NALF1: variants seen among roughly 807,000 people sequenced by gnomAD.
NALF1 encodes family with sequence similarity 155 member A.
Under a neutral mutation model 48.4 loss-of-function variants are expected in NALF1, and 3 were observed. The observed-to-expected ratio is 0.06, with a 90% CI of 0.03 to 0.16. NALF1 has a LOEUF of 0.16. Among genes scored for constraint, NALF1 ranks in the 10% least tolerant of loss-of-function variants. The probability of loss-of-function intolerance (pLI) is 1.00; values close to 1 mark genes in which losing one functional copy is unlikely to be tolerated. For missense variants in NALF1, 526 were observed against 571.5 expected (o/e 0.92, Z 0.81); for synonymous variants, 262 against 245.7 (o/e 1.07, Z -0.62).
chr13:107,628,442 C>T (rs1290176395), intron 1 of NALF1, among the ~76,000 whole-genome samples: 3 of 152,052 alleles, frequency 2.0e-5, no homozygotes, highest in Admixed American at 1.3e-4. Flanking sequence ...CCAAGTGATA[C>T]GCTAATGGAT....
intron 1 of NALF1, among the ~76,000 whole-genome samples, chr13:107,720,510 CAAAAAAAA>C (rs56380251): frequency 1.7e-5 from 1 of 59,856 alleles, no homozygotes; most frequent in Non-Finnish European, 2.7e-5. Context: ...GACTGCATCT[CAAAAAAAA>C]AAAAAAAAAA....
intron 1 of NALF1, among the ~76,000 whole-genome samples, chr13:107,832,091 A>G (rs1879750728): frequency 6.6e-6 from 1 of 152,170 alleles, no homozygotes; most frequent in South Asian, 2.1e-4. Context: ...TATATCTGGT[A>G]CTGAAACCAA....
intron 1 of NALF1, among the ~76,000 whole-genome samples, chr13:107,577,768 AAGC>A (rs1302296346): frequency 6.6e-6 from 1 of 152,044 alleles, no homozygotes; most frequent in East Asian, 1.9e-4. Context: ...CCAAGCCCAT[AAGC>A]TTCTTAAATG....
chr13:107,662,656 T>A (rs981951155), intron 1 of NALF1, among the ~76,000 whole-genome samples: 14 of 152,178 alleles, frequency 9.2e-5, no homozygotes, highest in Admixed American at 4.6e-4. Flanking sequence ...TGTCACATAA[T>A]TCACCTATTA....
intron 1 of NALF1, among the ~76,000 whole-genome samples, chr13:107,325,887 T>TATATATATATATATATATACAC (rs752320518): frequency 1.7e-5 from 1 of 58,906 alleles, no homozygotes; most frequent in Non-Finnish European, 3.5e-5. Flanking sequence ...TATATATATA[T>TATATATATATATATATATACAC]ACACACACAC....
At chr13:107,596,219 G>A (rs1878742351) in intron 1 of NALF1, among the ~76,000 whole-genome samples, 5 of 152,156 alleles carry the variant, frequency 3.3e-5, no homozygotes, top group Admixed American at 3.3e-4. Context: ...CTCCTCATAA[G>A]AAAAGGGAAT....
intron 1 of NALF1, among the ~76,000 whole-genome samples, chr13:107,843,728 T>G (rs1880100939): frequency 6.6e-6 from 1 of 152,070 alleles, no homozygotes; most frequent in Non-Finnish European, 1.5e-5. Context: ...TTCCCTGGTA[T>G]GGAGGCCAGA....
At chr13:107,759,828 TA>T (rs768747902) in intron 1 of NALF1, among the ~76,000 whole-genome samples, 4 of 152,112 alleles carry the variant, frequency 2.6e-5, no homozygotes, top group Non-Finnish European at 5.9e-5. Context: ...GAGAATCTGT[TA>T]TTCTTACCAA....
intron 1 of NALF1, among the ~76,000 whole-genome samples, chr13:107,409,180 C>A (rs943364669): frequency 2.6e-5 from 4 of 152,084 alleles, no homozygotes; most frequent in Admixed American, 6.6e-5. Flanking sequence ...ACCCAACCAC[C>A]ACTGCAGTAA....
intron 1 of NALF1, among the ~76,000 whole-genome samples, chr13:107,827,224 G>C (rs1227001966): frequency 6.6e-6 from 1 of 152,092 alleles, no homozygotes; most frequent in Non-Finnish European, 1.5e-5. Context: ...AACATTTATG[G>C]AGTGTCTGTT....
chr13:107,254,149 A>T (rs1205655516), intron 1 of NALF1, among the ~76,000 whole-genome samples: 2 of 151,978 alleles, frequency 1.3e-5, no homozygotes, highest in Non-Finnish European at 2.9e-5. Context: ...CACAGGCAAG[A>T]CATTGGACTT....
At chr13:107,750,289 C>A (rs149763650) in intron 1 of NALF1, among the ~76,000 whole-genome samples, 2 of 152,048 alleles carry the variant, frequency 1.3e-5, no homozygotes, top group African/African-American at 4.8e-5. Context: ...ACACGGAATA[C>A]GGTCTTCAAG....
chr13:107,275,246 A>AT (rs943600093), intron 1 of NALF1, among the ~76,000 whole-genome samples: 3 of 152,156 alleles, frequency 2.0e-5, no homozygotes, highest in African/African-American at 7.2e-5. Flanking sequence ...AAGTATCTAT[A>AT]TTTTTTTATT....
At chr13:107,823,167 C>G (rs1566496105) in intron 1 of NALF1, among the ~76,000 whole-genome samples, 1 of 152,226 alleles carries the variant, frequency 6.6e-6, no homozygotes, top group Non-Finnish European at 1.5e-5. Context: ...CAGTTACCCT[C>G]CTCATTTGTC....
rs565654179 is a variant in NALF1, at chr13:107,500,000, C to A, written c.916-289245G>T. 7.2e-5 allele frequency among the ~76,000 whole-genome samples: 11 copies of A among 152,240 alleles called. No homozygotes were observed. The South Asian group carries it at 2.3e-3, about 32-fold the overall frequency. On this transcript the variant is annotated intron_variant, in intron 1 of 2. Transcript: ENST00000375915. ...ATAAAAGTAGCATCAAAATTATCAT[C>A]CCATCAAAACAGATCACACACAGTT...
At chr13:107,796,450 G>T (rs540154319) in intron 1 of NALF1, among the ~76,000 whole-genome samples, 2 of 151,868 alleles carry the variant, frequency 1.3e-5, no homozygotes, top group Admixed American at 1.3e-4. Context: ...TCTCTCATTC[G>T]ATGTGAACAA....
chr13:107,343,800 A>T (rs1328365866), intron 1 of NALF1, among the ~76,000 whole-genome samples: 1 of 152,206 alleles, frequency 6.6e-6, no homozygotes, highest in Non-Finnish European at 1.5e-5. Flanking sequence ...TACCTAAAGG[A>T]ATTAGAAAAA....
intron 2 of NALF1, among the ~76,000 whole-genome samples, chr13:107,208,918 T>A (rs1879699084): frequency 6.6e-6 from 1 of 151,930 alleles, no homozygotes; most frequent in Non-Finnish European, 1.5e-5. Flanking sequence ...AGGAGCTACA[T>A]AAAAAATGAC....
rs1450064255 is a variant in NALF1, at chr13:107,524,679, C to G, written c.916-313924G>C. ...ACTTTGCAGCCTAATCATTTGTACCCTTGGTACAGAGATAGTAACTCAATA... is the reference window on the plus strand; with the variant it reads ...ACTTTGCAGCCTAATCATTTGTACCGTTGGTACAGAGATAGTAACTCAATA... On this transcript the variant is annotated intron_variant, in intron 1 of 2. Transcript: ENST00000375915. Among the ~76,000 whole-genome samples the G allele has an allele frequency of 2.6e-5, 4 of 152,176 alleles. No homozygotes were observed. The East Asian group carries it at 7.7e-4, about 29-fold the overall frequency.
Sources: gnomAD v4.1 joint callset for allele counts (sites outside exome capture counted in the v4.1 genomes callset) on GRCh38, gnomAD v4.1.1 for gene constraint, MANE v1.5 for transcripts, NCBI Gene and HGNC (gene_info 2026-07-23, HGNC 2026-07-21) for gene names.